AHRR: variants seen among roughly 807,000 people sequenced by gnomAD.
The protein encoded by AHRR is aryl hydrocarbon receptor repressor.
Under a neutral mutation model 44.0 loss-of-function variants are expected in AHRR, and 28 were observed. That is an observed-to-expected ratio of 0.64 (90% CI 0.47 to 0.87). The LOEUF is 0.87. AHRR is among the 40% of genes least tolerant of loss of function. AHRR has a pLI of 0.00. For missense variants in AHRR, 990 were observed against 953.9 expected (o/e 1.04, Z -0.50); for synonymous variants, 434 against 407.0 (o/e 1.07, Z -0.80).
At chr5:340,676 A>ATTTTTT in intron 1 of AHRR, among the ~76,000 whole-genome samples, 1 of 24,618 alleles carries the variant, frequency 4.1e-5, no homozygotes, top group East Asian at 4.9e-4. Context: ...ATATATATAT[A>ATTTTTT]TATATATATA....
At chr5:397,868 C>A (rs1228576362) in intron 4 of AHRR, among the ~76,000 whole-genome samples, 4 of 86,636 alleles carry the variant, frequency 4.6e-5, no homozygotes, top group African/African-American at 1.0e-4. Flanking sequence ...CTGACCATCC[C>A]TGTTAGCCCC....
intron 6 of AHRR, 21 bp from the exon 7 acceptor site, chr5:423,820 C>A (rs2126534826): frequency 6.3e-7 from 1 of 1,582,196 alleles, no homozygotes; most frequent in Non-Finnish European, 8.6e-7. Flanking sequence ...CGCCACGCCC[C>A]TTGGCCCCTA....
chr5:413,169 T>TA (rs1479413439), intron 4 of AHRR, among the ~76,000 whole-genome samples, 175 bp from the exon 5 acceptor site: 1 of 152,350 alleles, frequency 6.6e-6, no homozygotes, highest in African/African-American at 2.4e-5. Flanking sequence ...TGTTGCCTGT[T>TA]AACTTGGAGC....
At chr5:360,863 C>T (rs1253608516) in intron 3 of AHRR, among the ~76,000 whole-genome samples, 3 of 152,046 alleles carry the variant, frequency 2.0e-5, no homozygotes, top group South Asian at 2.1e-4. Flanking sequence ...TATAGTGAAA[C>T]GTCAGAGGAG....
Position 388,563 on chromosome 5 carries a change from C to G in AHRR, c.351+11847C>G, listed in dbSNP as rs576675113. Among the ~76,000 whole-genome samples, 11 of 152,328 alleles carry G rather than the reference C, an allele frequency of 7.2e-5. No homozygotes were observed. In the East Asian group the frequency reaches 2.1e-3, roughly 29 times the overall value. ...GCAGGTCTCTTCCAAACCAGGGCGT[C>G]TGCGGTGGCCCTGAGCCGAGGCTGC... On this transcript the variant is annotated intron_variant, in intron 4 of 10. Coordinates refer to ENST00000684583, the MANE Select transcript of AHRR (RefSeq NM_001377236.1). The surrounding 1 kb of genome is among the most constrained non-coding windows in gnomAD (Gnocchi z 5.2).
At chr5:367,064 T>C (rs1001258823) in intron 3 of AHRR, among the ~76,000 whole-genome samples, 13 of 152,252 alleles carry the variant, frequency 8.5e-5, no homozygotes, top group African/African-American at 2.9e-4. Flanking sequence ...ATGATTCTTA[T>C]AGCTTTTCTG....
Position 370,363 on chromosome 5 carries a change from G to C in AHRR, c.245-6247G>C, listed in dbSNP as rs972887986. Among the ~76,000 whole-genome samples the C allele has an allele frequency of 2.6e-5, 4 of 152,240 alleles. No individual in the cohort carries two copies. The highest frequency in any genetic ancestry group is 9.6e-5 in the African/African-American group (4 of 41,466). Reference sequence around the variant, plus strand: ...GGTCAGGCAATTCTGGGGCGAGCAGGCGTCGGGGAAGGGTTGGATGGGCGT... The same window carrying C: ...GGTCAGGCAATTCTGGGGCGAGCAGCCGTCGGGGAAGGGTTGGATGGGCGT... On this transcript the variant is annotated intron_variant, in intron 3 of 10. Transcript: ENST00000684583. This position sits in a 1 kb window ranked among gnomAD's most constrained non-coding sequence, Gnocchi z 4.5.
chr5:368,783 G>A (rs374472077), intron 3 of AHRR, among the ~76,000 whole-genome samples: 8 of 152,338 alleles, frequency 5.3e-5, no homozygotes, highest in African/African-American at 9.6e-5. Flanking sequence ...CCAGAGAAAC[G>A]CGTGGGCACT....
rs368948224 is a variant in AHRR at position 433,908 on chromosome 5, C to T, written c.1168C>T (p.Arg390Trp). Residue 390 changes from arginine to tryptophan, a missense_variant, in exon 11 of 11, where the codon CGG (arginine) becomes TGG (tryptophan). Arg to Trp is a moderately radical substitution (Grantham distance 101). Transcript: ENST00000684583. ...MLSRASGVTG[R>W]RETPGPTKPL... ...GAGCAGGGCCTCTGGAGTGACAGGG[C>T]GGAGGGAGACTCCAGGACCCACAAA... is the stretch of plus-strand genomic sequence containing the variant. The T allele has an allele frequency of 3.4e-5, 52 of 1,525,510 alleles. No individual in the cohort carries two copies. Among genetic ancestry groups the T allele is most frequent in the Middle Eastern group, 1.9e-4 (1 of 5,308 alleles). The allele number at this position is 1,525,510 out of a possible 1,614,324, so 94.5% of individuals were successfully genotyped here.
In AHRR at chr5:395,707, C is replaced by T. The variant is rs1734674357; in HGVS notation, c.352-17637C>T. ...GAGAAGTCCCCAGGAACCAAAGTGT[C>T]CAGCAGTTGAAATTTAACAAGTGGG... On this transcript the variant is annotated intron_variant, in intron 4 of 10. Coordinates refer to ENST00000684583, the MANE Select transcript of AHRR (RefSeq NM_001377236.1). The surrounding 1 kb of genome is among the most constrained non-coding windows in gnomAD (Gnocchi z 5.3). Among the ~76,000 whole-genome samples, 1 of 152,202 alleles carries T rather than the reference C, an allele frequency of 6.6e-6. No homozygotes were observed. The highest frequency in any genetic ancestry group is 1.5e-5 in the Non-Finnish European group (1 of 68,052).
intron 5 of AHRR, among the ~76,000 whole-genome samples, chr5:416,529 C>T (rs1400577683): frequency 1.3e-5 from 2 of 152,186 alleles, no homozygotes; most frequent in East Asian, 1.9e-4. Context: ...TCTCCTGATG[C>T]GCCCTGTGAG....
intron 2 of AHRR, among the ~76,000 whole-genome samples, chr5:352,216 C>T (rs182315524): frequency 1.4e-4 from 21 of 152,322 alleles, no homozygotes; most frequent in African/African-American, 5.1e-4. Flanking sequence ...GGGACAGTCA[C>T]TGTGAGGTTA....
intron 7 of AHRR, among the ~76,000 whole-genome samples, chr5:425,016 A>G (rs1046375822): frequency 6.6e-6 from 1 of 152,200 alleles, no homozygotes; most frequent in African/African-American, 2.4e-5. Context: ...CCTGGCTGCA[A>G]TTCAATGCCA....
intron 1 of AHRR, among the ~76,000 whole-genome samples, chr5:336,434 G>A (rs564447615): frequency 1.3e-5 from 2 of 152,344 alleles, no homozygotes; most frequent in Non-Finnish European, 2.9e-5. Context: ...AGGTGTGCTT[G>A]AAATGCTTCT....
chr5:415,143 C>T lies in AHRR; in HGVS notation c.441+1710C>T, dbSNP rs191194201. 4.1e-3 allele frequency among the ~76,000 whole-genome samples: 628 copies of T among 152,376 alleles called. 22 individuals are homozygous for T. In the South Asian group the frequency reaches 0.049, roughly 12 times the overall value. On this transcript the variant is annotated intron_variant, in intron 5 of 10. Coordinates refer to ENST00000684583, the MANE Select transcript of AHRR (RefSeq NM_001377236.1). ...AGATGCGCACCTGGAGGCCGCTAGGCGCTGGGGGAAGCTGTGACACTGCGG... is the reference window on the plus strand; with the variant it reads ...AGATGCGCACCTGGAGGCCGCTAGGTGCTGGGGGAAGCTGTGACACTGCGG...
In AHRR at chr5:411,871, C is replaced by G. The variant is rs1377261215; in HGVS notation, c.352-1473C>G. ...CCAGGTGACTCAGCCCCCTCACCCC[C>G]AGCTTCTACCTCGTGTGGGATGTGA... On this transcript the variant is annotated intron_variant, in intron 4 of 10. Coordinates refer to ENST00000684583, the MANE Select transcript of AHRR (RefSeq NM_001377236.1). This position sits in a 1 kb window ranked among gnomAD's most constrained non-coding sequence, Gnocchi z 4.2. Among the ~76,000 whole-genome samples the G allele has an allele frequency of 6.6e-6, 1 of 152,204 alleles. No homozygotes were observed. Among genetic ancestry groups the G allele is most frequent in the African/African-American group, 2.4e-5 (1 of 41,446 alleles).
At chr5:380,362 C>A (rs1462893458) in intron 4 of AHRR, among the ~76,000 whole-genome samples, 1 of 152,088 alleles carries the variant, frequency 6.6e-6, no homozygotes, top group Non-Finnish European at 1.5e-5. Context: ...CCGATATCTA[C>A]AAAAATCCCT....
chr5:376,642 G>A lies in AHRR; in HGVS notation c.277G>A (p.Ala93Thr). The change falls in exon 4 of 11, where the codon GCC becomes ACC. Residue 93 changes from alanine (A) to threonine (T), a missense_variant. Transcript: ENST00000684583. The part of the protein sequence containing the change: ...VQEQSSRQPA[A>T]GAPSPGDSCP... ...GGAGCAGAGCTCACGGCAGCCTGCGGCCGGCGCCCCCTCGCCCGGAGACAG... is the reference window on the plus strand; with the variant it reads ...GGAGCAGAGCTCACGGCAGCCTGCGACCGGCGCCCCCTCGCCCGGAGACAG... 1.5e-6 allele frequency: 2 copies of A among 1,376,400 alleles called. No individual in the cohort carries two copies. The highest frequency in any genetic ancestry group is 1.9e-6 in the Non-Finnish European group (2 of 1,047,272). The allele number at this position is 1,376,400 out of a possible 1,614,324, so 85.3% of individuals were successfully genotyped here.
intron 4 of AHRR, among the ~76,000 whole-genome samples, chr5:377,530 C>T (rs987166897): frequency 6.6e-6 from 1 of 152,282 alleles, no homozygotes; most frequent in African/African-American, 2.4e-5. Context: ...CCAGCCAACC[C>T]GCTCCAGATG....
Sources: allele counts gnomAD v4.1 joint callset (sites outside exome capture counted in the v4.1 genomes callset), GRCh38; gene constraint gnomAD v4.1.1; non-coding constraint Gnocchi (gnomAD v3.1); transcripts MANE v1.5; gene names NCBI Gene and HGNC (gene_info 2026-07-23, HGNC 2026-07-21).